NUP133: variants seen among roughly 807,000 people sequenced by gnomAD.
NUP133 encodes the protein nucleoporin 133, also known as nuclear pore complex protein Nup133.
In NUP133, 66 loss-of-function variants were observed where a neutral mutation model predicts 146.2. The observed-to-expected ratio is 0.45, with a 90% CI of 0.37 to 0.55. The LOEUF is 0.55. Ranked by LOEUF, NUP133 falls within the 20% of genes least tolerant of loss-of-function variation. The pLI, the probability that NUP133 is intolerant of heterozygous loss-of-function variation, is 0.00. For missense variants in NUP133, 1,277 were observed against 1,374.8 expected (o/e 0.93, Z 1.12); for synonymous variants, 521 against 498.8 (o/e 1.04, Z -0.59).
At position 229,484,509 on chromosome 1, in the gene NUP133, G is replaced by A. The variant is rs562174073; in HGVS notation, c.1501-364C>T. On this transcript the variant is annotated intron_variant, in intron 11 of 25. Transcript: ENST00000261396. The stretch of plus-strand genomic sequence containing the variant: ...CATACCAATTATTCATATACTTATT[G>A]AAACACTATAAATAGCATCAAATGA... Among the ~76,000 whole-genome samples, 31 of 152,262 alleles carry A rather than the reference G, an allele frequency of 2.0e-4. No homozygotes were observed. The East Asian group carries it at 6.0e-3, about 29-fold the overall frequency.
chr1:229,487,650 T>TA (rs1661394822), intron 9 of NUP133, 37 bp from the exon 10 acceptor site: 2 of 1,460,804 alleles, frequency 1.4e-6, no homozygotes, highest in African/African-American at 2.9e-5. Flanking sequence ...TAACAAGAAG[T>TA]AAAACAAAAA....
Position 229,495,969 on chromosome 1 carries a change from C to G in NUP133, c.898G>C (p.Asp300His). 1 of 1,612,174 alleles carries G rather than the reference C, an allele frequency of 6.2e-7. No homozygotes were observed. Residue 300 changes from aspartate to histidine, a missense_variant, in exon 7 of 26, where the codon GAT becomes CAT. Asp to His is a moderately conservative substitution (Grantham distance 81). Around this residue, in one of 3 missense-constraint regions of NUP133, gnomAD observed 952 missense variants for 1,047.0 expected, o/e 0.91. Transcript: ENST00000261396. ...TSSNISKWELDDSSEKHAYSW... is the reference protein window; with the variant it reads ...TSSNISKWELHDSSEKHAYSW... ...TATGCATGCTTTTCTGAAGAATCAT[C>G]TAATTCCCATTTACTGATGTTTGAA...
At chr1:229,483,927 CA>C in intron 12 of NUP133, 126 bp downstream of exon 12, 4 of 631,916 alleles carry the variant, frequency 6.3e-6, no homozygotes, top group Admixed American at 2.9e-5. Flanking sequence ...TGCTAAAGCT[CA>C]AAAAAACATT....
Position 229,453,846 on chromosome 1 carries a change from G to A in NUP133, c.2981-1203C>T, listed in dbSNP as rs531423049. On this transcript the variant is annotated intron_variant, in intron 21 of 25. Coordinates refer to ENST00000261396, the MANE Select transcript of NUP133 (RefSeq NM_018230.3). The stretch of plus-strand genomic sequence containing the variant: ...AATTTTAACTTTTTATAACAGACCT[G>A]TGTATGTTCTATGGTAGTAAATGAT... Among the ~76,000 whole-genome samples the A allele has an allele frequency of 1.3e-3, 205 of 152,282 alleles. 2 individuals carry two copies. Among genetic ancestry groups the A allele is most frequent in the South Asian group, 7.9e-3 (38 of 4,830 alleles).
intron 1 of NUP133, among the ~76,000 whole-genome samples, chr1:229,506,994 T>G (rs991864863): frequency 6.6e-6 from 1 of 152,148 alleles, no homozygotes; most frequent in African/African-American, 2.4e-5. Flanking sequence ...TAAAAGGTAG[T>G]CTATGTCTTA....
chr1:229,491,937 G>A (rs1478004424), intron 8 of NUP133, among the ~76,000 whole-genome samples: 1 of 152,088 alleles, frequency 6.6e-6, no homozygotes, highest in Non-Finnish European at 1.5e-5. Flanking sequence ...TATTTAAAAT[G>A]CTTTTTAGCC....
intron 8 of NUP133, among the ~76,000 whole-genome samples, chr1:229,494,631 A>C (rs2102780796): frequency 6.6e-6 from 1 of 152,346 alleles, no homozygotes; most frequent in African/African-American, 2.4e-5. Flanking sequence ...AATTAGCTTT[A>C]TCAGACTAAC....
intron 14 of NUP133, among the ~76,000 whole-genome samples, chr1:229,474,998 AGGAG>A (rs1348617921): frequency 6.6e-6 from 1 of 152,116 alleles, no homozygotes; most frequent in East Asian, 1.9e-4. Flanking sequence ...CCAGCTACCC[AGGAG>A]GCTGTGAGAG....
At chr1:229,458,637 A>C (rs777564092) in intron 20 of NUP133, among the ~76,000 whole-genome samples, 2 of 152,166 alleles carry the variant, frequency 1.3e-5, no homozygotes, top group Non-Finnish European at 2.9e-5. Context: ...CATTGCAAAA[A>C]GGCCAATGAC....
intron 24 of NUP133, chr1:229,448,812 G>A (rs1029817016): frequency 2.8e-6 from 1 of 353,880 alleles, no homozygotes; most frequent in Non-Finnish European, 5.2e-6. Flanking sequence ...AACCCAAGGA[G>A]GGGGTTGTGG....
chr1:229,446,682 C>T (rs1660309961), intron 24 of NUP133, among the ~76,000 whole-genome samples: 1 of 151,566 alleles, frequency 6.6e-6, no homozygotes, highest in African/African-American at 2.4e-5. Context: ...TGCAGTGAGC[C>T]AAGATTGTGC....
rs146066633 is a variant in NUP133 at position 229,458,293 on chromosome 1, G to A, written c.2848C>T (p.His950Tyr). The A allele has an allele frequency of 5.8e-5, 94 of 1,612,018 alleles. No homozygotes were observed. In the African/African-American group the frequency reaches 1.2e-3, roughly 20 times the overall value. ...EINSQELEKA[H>Y]ATLLGLANME... ...TTTGCCAAACCCAGAAGTGTTGCATGAGCCTACAATAAAATATGCAAACCA... is the reference window on the plus strand; with the variant it reads ...TTTGCCAAACCCAGAAGTGTTGCATAAGCCTACAATAAAATATGCAAACCA... Residue 950 changes from histidine (H) to tyrosine (Y), a missense_variant, in exon 21 of 26, where the codon CAT becomes TAT. Transcript: ENST00000261396.
At chr1:229,507,764 G>A (rs543167583) in intron 1 of NUP133, among the ~76,000 whole-genome samples, 1 of 152,282 alleles carries the variant, frequency 6.6e-6, no homozygotes, top group South Asian at 2.1e-4. Flanking sequence ...AAAATCACGA[G>A]TGACTTACAC....
At chr1:229,464,523 C>A in intron 18 of NUP133, 101 bp downstream of exon 18, 1 of 1,374,702 alleles carries the variant, frequency 7.3e-7, no homozygotes, top group Non-Finnish European at 1.0e-6. Context: ...TTCTTTATTA[C>A]AGTTGGATTA....
At chr1:229,444,878 CT>C (rs750542982) in intron 25 of NUP133, 35 bp downstream of exon 25, 126 of 1,410,886 alleles carry the variant, frequency 8.9e-5, no homozygotes, top group Non-Finnish European at 1.2e-4. Flanking sequence ...AGGAATGACA[CT>C]GTAATTTCCA....
intron 15 of NUP133, among the ~76,000 whole-genome samples, chr1:229,466,978 C>A (rs1373986164): frequency 7.8e-6 from 1 of 129,012 alleles, no homozygotes; most frequent in Non-Finnish European, 1.6e-5. Context: ...CAGGCAAATT[C>A]TGGATTGTTA....
chr1:229,470,836 A>G (rs774647838), intron 14 of NUP133, 32 bp from the exon 15 acceptor site: 1 of 1,593,952 alleles, frequency 6.3e-7, no homozygotes. Context: ...ATTCTCAGAA[A>G]GCAATTATGG....
At chr1:229,498,029 C>T (rs1033239106) in intron 6 of NUP133, 107 bp downstream of exon 6, 5 of 685,768 alleles carry the variant, frequency 7.3e-6, no homozygotes, top group Non-Finnish European at 1.1e-5. Context: ...GGTTTTATTT[C>T]GCATAAGCTA....
At chr1:229,470,846 G>A (rs1424805684) in intron 14 of NUP133, 42 bp from the exon 15 acceptor site, 2 of 1,569,532 alleles carry the variant, frequency 1.3e-6, no homozygotes, top group South Asian at 1.1e-5. Context: ...AGCAATTATG[G>A]TAACATGCAA....
Sources: gnomAD v4.1 joint callset for allele counts (sites outside exome capture counted in the v4.1 genomes callset) on GRCh38, gnomAD v4.1.1 for gene constraint, gnomAD v4.1.1 regional missense constraint, MANE v1.5 for transcripts, NCBI Gene and HGNC (gene_info 2026-07-23, HGNC 2026-07-21) for gene names.